MED26: variants seen among roughly 807,000 people sequenced by gnomAD.
The protein encoded by MED26 is mediator of RNA polymerase II transcription subunit 26.
Under a neutral mutation model 43.7 loss-of-function variants are expected in MED26, and 7 were observed. The observed-to-expected ratio is 0.16, with a 90% CI of 0.09 to 0.30. The LOEUF (loss-of-function observed/expected upper bound fraction) is 0.30, where lower values mean the gene tolerates loss of function less well. MED26 is among the 10% of genes least tolerant of loss of function. The pLI is 1.00. For synonymous variants in MED26, 375 were observed against 371.1 expected (o/e 1.01, Z -0.12); for missense variants, 784 against 840.6 (o/e 0.93, Z 0.83).
At chr19:16,591,273 A>G (rs2086096499) in intron 1 of MED26, among the ~76,000 whole-genome samples, 1 of 151,986 alleles carries the variant, frequency 6.6e-6, no homozygotes, top group Non-Finnish European at 1.5e-5. Flanking sequence ...TTCTCTCCTC[A>G]GTAGAAGGAG....
chr19:16,625,169 G>A (rs1000845073), intron 1 of MED26, among the ~76,000 whole-genome samples: 1 of 152,180 alleles, frequency 6.6e-6, no homozygotes, highest in African/African-American at 2.4e-5. Context: ...CTGAAAAACT[G>A]TTAGTAGCCT....
intron 1 of MED26, among the ~76,000 whole-genome samples, chr19:16,591,093 A>AAAGC (rs1568282948): frequency 1.5e-5 from 2 of 136,014 alleles, no homozygotes; most frequent in Non-Finnish European, 3.2e-5. Flanking sequence ...ATAAATAAAT[A>AAAGC]AAGCTATTAA....
intron 1 of MED26, among the ~76,000 whole-genome samples, chr19:16,620,522 AC>A (rs1335604443): frequency 6.6e-6 from 1 of 152,246 alleles, no homozygotes; most frequent in Non-Finnish European, 1.5e-5. Flanking sequence ...TTGGGCACCC[AC>A]GTGCTGTGGC....
At chr19:16,607,058 T>C (rs2086176863) in intron 1 of MED26, among the ~76,000 whole-genome samples, 2 of 152,218 alleles carry the variant, frequency 1.3e-5, no homozygotes, top group Admixed American at 6.5e-5. Flanking sequence ...AATAAGAACG[T>C]TGGCCAGGCA....
chr19:16,623,134 G>C (rs1215207930), intron 1 of MED26, among the ~76,000 whole-genome samples: 1 of 152,118 alleles, frequency 6.6e-6, no homozygotes, highest in African/African-American at 2.4e-5. Flanking sequence ...ACCTCAGTGA[G>C]GAGAGACTGT....
At chr19:16,589,538 T>C (rs746079851) in intron 1 of MED26, 5 of 152,180 alleles carry the variant, frequency 3.3e-5, no homozygotes, top group African/African-American at 4.8e-5. Flanking sequence ...ATTTTTTTTT[T>C]GTCCTGGATT....
chr19:16,609,332 A>G (rs1002695549), intron 1 of MED26, among the ~76,000 whole-genome samples: 10 of 140,640 alleles, frequency 7.1e-5, no homozygotes, highest in East Asian at 4.0e-4. Flanking sequence ...AAAAAAAAAA[A>G]AAAAAGAGAG....
At chr19:16,619,484 T>C (rs908779226) in intron 1 of MED26, among the ~76,000 whole-genome samples, 3 of 152,098 alleles carry the variant, frequency 2.0e-5, no homozygotes, top group African/African-American at 7.2e-5. Context: ...TCAAAACAAG[T>C]CATCAAGGGG....
chr19:16,589,731 T>C (rs2086087441), intron 1 of MED26, among the ~76,000 whole-genome samples: 1 of 152,194 alleles, frequency 6.6e-6, no homozygotes, highest in African/African-American at 2.4e-5. Flanking sequence ...ACTTGGGACT[T>C]GTACACTTTT....
At chr19:16,616,697 C>T (rs972633365) in intron 1 of MED26, among the ~76,000 whole-genome samples, 11 of 152,164 alleles carry the variant, frequency 7.2e-5, no homozygotes, top group African/African-American at 2.2e-4. Flanking sequence ...CAGGTGCCAA[C>T]GAAGCTGTGG....
chr19:16,605,871 A>G (rs1299366599), intron 1 of MED26, among the ~76,000 whole-genome samples: 2 of 152,222 alleles, frequency 1.3e-5, no homozygotes, highest in African/African-American at 2.4e-5. Context: ...CCTGCCAGTC[A>G]CAAAGTGCTT....
intron 1 of MED26, among the ~76,000 whole-genome samples, chr19:16,598,607 T>C (rs988230737): frequency 6.6e-6 from 1 of 152,168 alleles, no homozygotes; most frequent in African/African-American, 2.4e-5. Flanking sequence ...CTGCTTTTGC[T>C]ACAGTTGAGA....
chr19:16,614,722 C>T (rs2086215456), intron 1 of MED26, among the ~76,000 whole-genome samples: 1 of 152,116 alleles, frequency 6.6e-6, no homozygotes, highest in African/African-American at 2.4e-5. Context: ...CGCCTGGGTG[C>T]AGACCATGCC....
intron 1 of MED26, among the ~76,000 whole-genome samples, chr19:16,620,798 A>G (rs769956328): frequency 1.3e-5 from 2 of 152,196 alleles, no homozygotes; most frequent in Non-Finnish European, 1.5e-5. Flanking sequence ...CTGCTCTCAG[A>G]GTTACACTGA....
At position 16,577,466 on chromosome 19, in the gene MED26, T is replaced by A. The variant is rs772429394; in HGVS notation, c.364A>T (p.Arg122Trp). Residue 122 changes from arginine to tryptophan, a missense_variant, in exon 3 of 3, where the codon AGG (arginine) becomes TGG (tryptophan). By Grantham distance (101) the Arg-to-Trp change is moderately radical. Coordinates refer to ENST00000263390, the MANE Select transcript of MED26 (RefSeq NM_004831.5). This position sits in a 1 kb window ranked among gnomAD's most constrained non-coding sequence, Gnocchi z 8.1. ...RPEVGAAGPP[R>W]SIHDLKSRND... ...CGGCTCTTCAGGTCATGGATGCTCC[T>A]GGGTGGGCCAGCCGCCCCCACCTCC... 1.9e-6 allele frequency: 3 copies of A among 1,590,702 alleles called. No individual in the cohort carries two copies. In the Admixed American group the frequency reaches 5.1e-5, roughly 27 times the overall value.
intron 1 of MED26, among the ~76,000 whole-genome samples, chr19:16,602,844 G>GT (rs1173814875): frequency 1.3e-5 from 2 of 152,188 alleles, no homozygotes; most frequent in Non-Finnish European, 2.9e-5. Context: ...GGGGAGGGAC[G>GT]TGAGTGTTGA....
Position 16,577,122 on chromosome 19 carries a change from G to C in MED26, c.708C>G (p.Gly236=), listed in dbSNP as rs1256972159. ...VRPHTSSPGL[G]KPPGPCLQPK... The stretch of plus-strand genomic sequence containing the variant: ...GCTGCAAGCAGGGTCCAGGGGGCTT[G>C]CCCAGGCCCGGGGAGCTGGTGTGCG... The change falls in exon 3 of 3, where the codon GGC becomes GGG. Residue 236 remains glycine (G), a synonymous_variant. Transcript: ENST00000263390. The surrounding 1 kb of genome is among the most constrained non-coding windows in gnomAD (Gnocchi z 8.1). The C allele has an allele frequency of 6.2e-7, 1 of 1,613,174 alleles. No individual in the cohort carries two copies. The highest frequency in any genetic ancestry group is 8.5e-7 in the Non-Finnish European group (1 of 1,179,820).
At chr19:16,598,552 G>A (rs1361919347) in intron 1 of MED26, among the ~76,000 whole-genome samples, 1 of 151,966 alleles carries the variant, frequency 6.6e-6, no homozygotes, top group Non-Finnish European at 1.5e-5. Context: ...TGCCCCACTT[G>A]GCATCCAGTA....
At chr19:16,582,540 A>AC (rs1441530422) in intron 1 of MED26, among the ~76,000 whole-genome samples, 2 of 151,306 alleles carry the variant, frequency 1.3e-5, no homozygotes, top group African/African-American at 2.4e-5. Context: ...CAACCAACTG[A>AC]CCCCCCACCC....
Sources: allele counts gnomAD v4.1 joint callset (sites outside exome capture counted in the v4.1 genomes callset), GRCh38; gene constraint gnomAD v4.1.1; non-coding constraint Gnocchi (gnomAD v3.1); transcripts MANE v1.5; gene names NCBI Gene and HGNC (gene_info 2026-07-23, HGNC 2026-07-21).